CTNNBL1: variants seen among roughly 807,000 people sequenced by gnomAD.
CTNNBL1 encodes the protein catenin beta like 1.
A neutral mutation model predicts 72.7 loss-of-function variants in CTNNBL1; 31 were observed. The ratio of observed to expected loss-of-function variants is 0.43; its 90% CI spans 0.32 to 0.58. The LOEUF (loss-of-function observed/expected upper bound fraction) is 0.58, where lower values mean the gene tolerates loss of function less well. Among genes scored for constraint, CTNNBL1 ranks in the 20% least tolerant of loss-of-function variants. The probability of loss-of-function intolerance (pLI) is 0.08; values close to 1 mark genes in which losing one functional copy is unlikely to be tolerated. For missense variants in CTNNBL1, 534 were observed against 725.1 expected (o/e 0.74, Z 3.03); for synonymous variants, 240 against 267.3 (o/e 0.90, Z 1.00).
chr20:37,786,269 C>G (rs1017215127), intron 10 of CTNNBL1, among the ~76,000 whole-genome samples: 1 of 152,176 alleles, frequency 6.6e-6, no homozygotes, highest in Non-Finnish European at 1.5e-5. Flanking sequence ...CTGGCTGCTG[C>G]CTGTGTTCAT....
intron 4 of CTNNBL1, 46 bp downstream of exon 4, chr20:37,746,653 G>A (rs1457324154): frequency 6.2e-7 from 1 of 1,611,130 alleles, no homozygotes; most frequent in Non-Finnish European, 8.5e-7. Flanking sequence ...ACATGGTGGG[G>A]AAGTGCTGTT....
chr20:37,783,234 G>C (rs2122699439), intron 10 of CTNNBL1, among the ~76,000 whole-genome samples: 2 of 152,094 alleles, frequency 1.3e-5, no homozygotes, highest in East Asian at 3.9e-4. Flanking sequence ...TTCATTTCCG[G>C]TTTTTATTTA....
At chr20:37,770,111 G>A (rs2073508973) in intron 7 of CTNNBL1, among the ~76,000 whole-genome samples, 1 of 152,160 alleles carries the variant, frequency 6.6e-6, no homozygotes, top group Non-Finnish European at 1.5e-5. Context: ...CATCCCTCTT[G>A]CCTTTCAGTC....
chr20:37,808,440 A>G (rs2071979714), intron 11 of CTNNBL1, among the ~76,000 whole-genome samples: 1 of 152,230 alleles, frequency 6.6e-6, no homozygotes, highest in African/African-American at 2.4e-5. Context: ...CTGTAATGAC[A>G]TGGCATTGTT....
intron 1 of CTNNBL1, among the ~76,000 whole-genome samples, chr20:37,712,773 G>A (rs745754265): frequency 1.1e-4 from 17 of 152,210 alleles, no homozygotes; most frequent in Non-Finnish European, 1.8e-4. Flanking sequence ...TCCTGAGTTA[G>A]CACATAGAGA....
At chr20:37,767,628 A>G (rs1022401566) in intron 6 of CTNNBL1, among the ~76,000 whole-genome samples, 1 of 152,198 alleles carries the variant, frequency 6.6e-6, no homozygotes, top group Non-Finnish European at 1.5e-5. Context: ...TCTGGGACTC[A>G]TTAGGGACTG....
At chr20:37,857,312 T>G (rs780666792) in intron 13 of CTNNBL1, among the ~76,000 whole-genome samples, 4 of 152,182 alleles carry the variant, frequency 2.6e-5, no homozygotes, top group Non-Finnish European at 5.9e-5. Flanking sequence ...TAGGAATTAG[T>G]GTTAGTGATT....
intron 1 of CTNNBL1, among the ~76,000 whole-genome samples, chr20:37,719,050 T>G (rs1028317267): frequency 6.6e-6 from 1 of 152,208 alleles, no homozygotes; most frequent in African/African-American, 2.4e-5. Flanking sequence ...GAATCTGAGT[T>G]TTACTATACT....
intron 1 of CTNNBL1, among the ~76,000 whole-genome samples, chr20:37,699,270 G>C (rs1310782923): frequency 6.6e-6 from 1 of 152,206 alleles, no homozygotes; most frequent in Non-Finnish European, 1.5e-5. Flanking sequence ...GGGTACCCGG[G>C]TAGTCTTACT....
chr20:37,809,414 A>G (rs1298094075), intron 11 of CTNNBL1, among the ~76,000 whole-genome samples: 1 of 152,156 alleles, frequency 6.6e-6, no homozygotes, highest in Non-Finnish European at 1.5e-5. Context: ...GTCTTTACAC[A>G]TCCAATCATG....
At chr20:37,773,854 T>C (rs1399496388) in intron 7 of CTNNBL1, among the ~76,000 whole-genome samples, 1 of 151,990 alleles carries the variant, frequency 6.6e-6, no homozygotes, top group African/African-American at 2.4e-5. Context: ...TAAAGTGTTT[T>C]TCTAGAACCT....
chr20:37,845,858 C>T (rs1904936226), intron 13 of CTNNBL1, among the ~76,000 whole-genome samples: 1 of 152,178 alleles, frequency 6.6e-6, no homozygotes, highest in Non-Finnish European at 1.5e-5. Context: ...ACATACCTCA[C>T]CAAGTCTGCA....
At chr20:37,776,731 T>G (rs1438776064) in intron 7 of CTNNBL1, among the ~76,000 whole-genome samples, 1 of 152,170 alleles carries the variant, frequency 6.6e-6, no homozygotes. Context: ...GGGAAAGAAT[T>G]GTGGGTAGTA....
intron 1 of CTNNBL1, among the ~76,000 whole-genome samples, chr20:37,730,309 A>G (rs1211729748): frequency 6.6e-6 from 1 of 152,216 alleles, no homozygotes; most frequent in Non-Finnish European, 1.5e-5. Flanking sequence ...TGATTACTAT[A>G]TCAGATAAAG....
intron 15 of CTNNBL1, among the ~76,000 whole-genome samples, chr20:37,862,550 G>A (rs2122866344): frequency 6.6e-6 from 1 of 152,288 alleles, no homozygotes; most frequent in East Asian, 1.9e-4. Flanking sequence ...TATTTCCCTA[G>A]TGCCTTTTAA....
At chr20:37,756,554 C>G (rs2073365799) in intron 4 of CTNNBL1, among the ~76,000 whole-genome samples, 1 of 151,328 alleles carries the variant, frequency 6.6e-6, no homozygotes, top group African/African-American at 2.4e-5. Flanking sequence ...CACCCAGTTT[C>G]CAAATATAAC....
chr20:37,706,382 A>G lies in CTNNBL1; in HGVS notation c.30+12230A>G, dbSNP rs144146288. ...TCAGTTCTCTTAAACTGTGCTGCCA[A>G]TTTATCATCTAAGTTCATGTAATAT... On this transcript the variant is annotated intron_variant, in intron 1 of 15. Transcript: ENST00000361383. Among the ~76,000 whole-genome samples the G allele has an allele frequency of 2.1e-3, 324 of 152,310 alleles. 2 individuals carry two copies. Among genetic ancestry groups the G allele is most frequent in the African/African-American group, 7.3e-3 (305 of 41,548 alleles).
At chr20:37,837,300 T>C (rs2072263722) in intron 11 of CTNNBL1, among the ~76,000 whole-genome samples, 1 of 152,100 alleles carries the variant, frequency 6.6e-6, no homozygotes, top group Non-Finnish European at 1.5e-5. Flanking sequence ...CTCCACTACT[T>C]TCTACCCTCA....
rs6012849 is a variant in CTNNBL1, at chr20:37,698,735, A to G, written c.30+4583A>G. On this transcript the variant is annotated intron_variant, in intron 1 of 15. Transcript: ENST00000361383. The stretch of plus-strand genomic sequence containing the variant: ...TGCACCCATCCTCTTGCAGAAAGTC[A>G]TGAGTTTATGGATGCAAAAGTTCTT... Among the ~76,000 whole-genome samples, 261 of 152,296 alleles carry G rather than the reference A, an allele frequency of 1.7e-3. 3 individuals are homozygous for G. Among genetic ancestry groups the G allele is most frequent in the African/African-American group, 6.0e-3 (250 of 41,572 alleles).
Sources: gnomAD v4.1 joint callset for allele counts (sites outside exome capture counted in the v4.1 genomes callset) on GRCh38, gnomAD v4.1.1 for gene constraint, MANE v1.5 for transcripts, NCBI Gene and HGNC (gene_info 2026-07-23, HGNC 2026-07-21) for gene names.